LRRC9: variants seen among roughly 807,000 people sequenced by gnomAD.
LRRC9 encodes the protein leucine-rich repeat-containing protein 9.
In LRRC9, 122 loss-of-function variants were observed where a neutral mutation model predicts 63.2. The observed-to-expected ratio is 1.93, with a 90% confidence interval of 1.67 to 2.24. The LOEUF (loss-of-function observed/expected upper bound fraction) is 2.24, where lower values mean the gene tolerates loss of function less well. LRRC9 is among the 30% of genes most tolerant of loss of function. LRRC9 has a pLI of 0.00. For missense variants in LRRC9, 1,071 were observed against 627.7 expected (o/e 1.71, Z -7.55); for synonymous variants, 366 against 213.1 (o/e 1.72, Z -6.25).
At chr14:60,052,640 T>C (rs1893978699) in intron 29 of LRRC9, among the ~76,000 whole-genome samples, 1 of 152,234 alleles carries the variant, frequency 6.6e-6, no homozygotes, top group African/African-American at 2.4e-5. Context: ...ACCAACTTTG[T>C]TAAATCCCTC....
chr14:60,009,587 C>A (rs1031544951), intron 23 of LRRC9, among the ~76,000 whole-genome samples: 2 of 152,306 alleles, frequency 1.3e-5, no homozygotes, highest in African/African-American at 2.4e-5. Flanking sequence ...CCAACCCTGG[C>A]CCTTCCCAAA....
chr14:59,925,151 AT>A (rs1459427290), intron 1 of LRRC9, among the ~76,000 whole-genome samples: 4 of 152,008 alleles, frequency 2.6e-5, no homozygotes, highest in African/African-American at 9.7e-5. Context: ...TATTAGGATA[AT>A]TTGCTGGCTG....
chr14:60,041,561 C>T (rs368793648), intron 29 of LRRC9, among the ~76,000 whole-genome samples: 3 of 152,200 alleles, frequency 2.0e-5, no homozygotes, highest in East Asian at 1.9e-4. Context: ...GCATATGTCA[C>T]GCAGTTCTCC....
chr14:59,934,960 A>G (rs1182675057), intron 6 of LRRC9, among the ~76,000 whole-genome samples: 3 of 152,124 alleles, frequency 2.0e-5, no homozygotes. Flanking sequence ...ATAATTTTCA[A>G]TCCTACTAAG....
intron 8 of LRRC9, among the ~76,000 whole-genome samples, chr14:59,947,099 T>A (rs1312526324): frequency 1.3e-5 from 2 of 149,460 alleles, no homozygotes; most frequent in East Asian, 4.0e-4. Flanking sequence ...TCCACAATGG[T>A]TGAACTAGTT....
At chr14:59,943,196 GT>G (rs1238304923) in intron 7 of LRRC9, among the ~76,000 whole-genome samples, 1 of 151,778 alleles carries the variant, frequency 6.6e-6, no homozygotes, top group Non-Finnish European at 1.5e-5. Flanking sequence ...GTCTATTTAT[GT>G]TTTTGTTGCC....
At position 60,051,453 on chromosome 14, in the gene LRRC9, T is replaced by C. The variant is rs1003207356; in HGVS notation, c.3991-1612T>C. Reference sequence around the variant, plus strand: ...CAGATGGCAGGCTGGAACGCTGACTTGACTGAACCACAGAAATGGCTGCCA... The same window carrying C: ...CAGATGGCAGGCTGGAACGCTGACTCGACTGAACCACAGAAATGGCTGCCA... On this transcript the variant is annotated intron_variant, in intron 29 of 31. Transcript: ENST00000445360. This position sits in a 1 kb window ranked among gnomAD's most constrained non-coding sequence, Gnocchi z 4.7. 2.0e-4 allele frequency among the ~76,000 whole-genome samples: 30 copies of C among 152,210 alleles called. No individual in the cohort carries two copies. Among genetic ancestry groups the C allele is most frequent in the African/African-American group, 7.0e-4 (29 of 41,466 alleles).
At chr14:60,033,286 C>A (rs1260768458) in intron 29 of LRRC9, among the ~76,000 whole-genome samples, 1 of 151,902 alleles carries the variant, frequency 6.6e-6, no homozygotes, top group African/African-American at 2.4e-5. Flanking sequence ...CTTTCCAATT[C>A]TCATATTTTT....
chr14:59,928,381 T>C (rs1452455466), exon 3 of LRRC9: 1 of 698,024 alleles, frequency 1.4e-6, no homozygotes. Flanking sequence ...CATTATTTCC[T>C]AATTTAACGA....
rs528942860 is a variant in LRRC9 at position 60,055,741 on chromosome 14, A to C, written c.4132-2137A>C. Among the ~76,000 whole-genome samples, 271 of 149,484 alleles carry C rather than the reference A, an allele frequency of 1.8e-3. 1 individual carries two copies. The highest frequency in any genetic ancestry group is 3.3e-3 in the Non-Finnish European group (220 of 67,244). On this transcript the variant is annotated intron_variant, in intron 30 of 31. Coordinates refer to ENST00000445360, the Ensembl canonical transcript of LRRC9. Reference sequence around the variant, plus strand: ...AACCTTGTCTCTATTTAAAAAAAAAAAAAAACAAAAAAAACTAGCCAGGCA... The same window carrying C: ...AACCTTGTCTCTATTTAAAAAAAAACAAAAACAAAAAAAACTAGCCAGGCA...
At chr14:60,035,229 C>A (rs1171291012) in intron 29 of LRRC9, among the ~76,000 whole-genome samples, 1 of 151,672 alleles carries the variant, frequency 6.6e-6, no homozygotes, top group Non-Finnish European at 1.5e-5. Context: ...TGTTTGAGCT[C>A]TTATGTGTTC....
chr14:60,012,915 TTTTA>T (rs1232314984), intron 23 of LRRC9, among the ~76,000 whole-genome samples: 2 of 143,564 alleles, frequency 1.4e-5, no homozygotes, highest in African/African-American at 2.5e-5. Flanking sequence ...TGTTTTTATT[TTTTA>T]TTTATTTTTT....
At position 59,928,480 on chromosome 14, in the gene LRRC9, C is replaced by T. The variant is rs1267893065; in HGVS notation, c.261C>T (p.Cys87=). The T allele has an allele frequency of 1.5e-5, 10 of 667,742 alleles. No homozygotes were observed. The Admixed American group carries it at 1.7e-4, about 11-fold the overall frequency. The allele number at this position is 667,742 out of a possible 1,614,324, so 41.4% of individuals were successfully genotyped here. A position where few individuals can be genotyped will look rare whatever the true frequency, so the allele number is the denominator to read the frequency against. ...AAGAACTTTGGATTGCTGAGTGCTG[C>T]ATAGAGGTAAGTGTAAACATAAAAC... The change falls in exon 3 of 32, where the codon TGC becomes TGT. Residue 87 remains cysteine (C), a synonymous_variant. Transcript: ENST00000445360.
chr14:60,044,206 C>T (rs1194939880), intron 29 of LRRC9, among the ~76,000 whole-genome samples: 2 of 151,722 alleles, frequency 1.3e-5, no homozygotes, highest in African/African-American at 2.4e-5. Context: ...TTTCTTAGCC[C>T]AGCTAAAGGT....
Position 59,966,579 on chromosome 14 carries a change from T to C in LRRC9, c.1212-10T>C. 1 of 644,944 alleles carries C rather than the reference T, an allele frequency of 1.6e-6. No individual in the cohort carries two copies. The highest frequency in any genetic ancestry group is 2.8e-6 in the Non-Finnish European group (1 of 357,146). 40.0% of individuals were successfully genotyped at this position (644,944 alleles called of 1,614,324 possible). On this transcript the variant is annotated splice_polypyrimidine_tract_variant and intron_variant, in intron 10 of 31. Coordinates refer to ENST00000445360, the Ensembl canonical transcript of LRRC9. This position sits in a 1 kb window ranked among gnomAD's most constrained non-coding sequence, Gnocchi z 4.0. ...TTCTTCATGTATATTCTGTATGTAT[T>C]CCCACATAGGTTTAATTTCTGCTAT...
intron 4 of LRRC9, among the ~76,000 whole-genome samples, chr14:59,931,401 CT>C (rs1345954822): frequency 1.3e-5 from 2 of 151,756 alleles, no homozygotes; most frequent in African/African-American, 4.8e-5. Flanking sequence ...TCCTTTTTTC[CT>C]CTCTACTCCG....
chr14:60,034,779 G>A (rs2140342867), intron 29 of LRRC9, among the ~76,000 whole-genome samples: 1 of 152,120 alleles, frequency 6.6e-6, no homozygotes. Flanking sequence ...CCATATTTTG[G>A]CTATTATGAA....
chr14:59,966,745 T>C lies in LRRC9; in HGVS notation c.1368T>C (p.Asn456=), dbSNP rs1884897541. The change falls in exon 11 of 32, where the codon AAT becomes AAC. Residue 456 remains asparagine (N), a synonymous_variant. Coordinates refer to ENST00000445360, the Ensembl canonical transcript of LRRC9. The surrounding 1 kb of genome is among the most constrained non-coding windows in gnomAD (Gnocchi z 4.0). ...AGAAATTTCAAAAGTTTTTGGAGAA[T>C]GAAGATATGCATGATTCAGAGTAAG... 4 of 675,348 alleles carry C rather than the reference T, an allele frequency of 5.9e-6. No homozygotes were observed. Among genetic ancestry groups the C allele is most frequent in the Non-Finnish European group, 1.1e-5 (4 of 371,082 alleles). The allele number at this position is 675,348 out of a possible 1,614,324, so 41.8% of individuals were successfully genotyped here.
At chr14:59,980,292 T>C (rs1886792311) in intron 15 of LRRC9, among the ~76,000 whole-genome samples, 1 of 152,184 alleles carries the variant, frequency 6.6e-6, no homozygotes, top group Non-Finnish European at 1.5e-5. Flanking sequence ...GTTAAAATTA[T>C]TTGCATATAT....
Sources: allele counts gnomAD v4.1 joint callset (sites outside exome capture counted in the v4.1 genomes callset), GRCh38; gene constraint gnomAD v4.1.1; non-coding constraint Gnocchi (gnomAD v3.1); transcripts MANE v1.5; gene names NCBI Gene and HGNC (gene_info 2026-07-23, HGNC 2026-07-21).